The following STK33 variants were observed in gnomAD, a reference collection of about 807,000 sequenced individuals.
STK33 encodes the protein serine/threonine-protein kinase 33.
A neutral mutation model predicts 58.0 loss-of-function variants in STK33; 52 were observed. That is an observed-to-expected ratio of 0.90 (90% CI 0.72 to 1.13). STK33 has a LOEUF of 1.13. Among genes scored for constraint, STK33 ranks in the 50% most tolerant of loss-of-function variants. The pLI, the probability that STK33 is intolerant of heterozygous loss-of-function variation, is 0.00. For missense variants in STK33, 630 were observed against 604.2 expected (o/e 1.04, Z -0.45); for synonymous variants, 215 against 200.1 (o/e 1.07, Z -0.63).
intron 1 of STK33, among the ~76,000 whole-genome samples, chr11:8,566,787 T>C (rs542183976): frequency 4.6e-5 from 7 of 152,336 alleles, no homozygotes; most frequent in African/African-American, 1.4e-4. Flanking sequence ...AGTGATAGAC[T>C]GACCTCTAGT....
the STK33 span, among the ~76,000 whole-genome samples, chr11:8,372,394 G>A: frequency 6.6e-6 from 1 of 152,198 alleles, no homozygotes; most frequent in Admixed American, 6.5e-5. Context: ...GCCTGGAGAA[G>A]GGGTGGGTGG....
intron 10 of STK33, 38 bp from the exon 11 acceptor site, chr11:8,452,944 T>G: frequency 6.4e-7 from 1 of 1,553,822 alleles, no homozygotes; most frequent in Non-Finnish European, 8.9e-7. Context: ...CCTGTTTTCC[T>G]GTCCTAGAGC....
At chr11:8,398,118 A>C (rs1212955624) in intron 15 of STK33, among the ~76,000 whole-genome samples, 9 of 152,152 alleles carry the variant, frequency 5.9e-5, no homozygotes, top group African/African-American at 2.2e-4. Flanking sequence ...GAATGCCACA[A>C]AGATACTCCT....
At chr11:8,585,111 C>T (rs1349403668) in intron 1 of STK33, among the ~76,000 whole-genome samples, 2 of 151,292 alleles carry the variant, frequency 1.3e-5, no homozygotes, top group African/African-American at 4.9e-5. Flanking sequence ...TTATTAGGGA[C>T]GAGGTTTCAC....
At chr11:8,431,610 G>A (rs1943437607) in intron 14 of STK33, among the ~76,000 whole-genome samples, 1 of 151,996 alleles carries the variant, frequency 6.6e-6, no homozygotes, top group Non-Finnish European at 1.5e-5. Flanking sequence ...AGTACCTGAT[G>A]GATTAAATAA....
At chr11:8,372,628 G>T in the STK33 span, among the ~76,000 whole-genome samples, 1 of 152,380 alleles carries the variant, frequency 6.6e-6, no homozygotes, top group Admixed American at 6.5e-5. Flanking sequence ...CACCGCATAG[G>T]CGGGTTGAAG....
intron 11 of STK33, among the ~76,000 whole-genome samples, chr11:8,449,195 C>T (rs1945932358): frequency 6.6e-6 from 1 of 151,564 alleles, no homozygotes; most frequent in Non-Finnish European, 1.5e-5. Flanking sequence ...GGACTGTAAA[C>T]TAGTTCAACC....
the STK33 span, among the ~76,000 whole-genome samples, chr11:8,382,700 C>T: frequency 2.6e-5 from 4 of 152,170 alleles, no homozygotes; most frequent in East Asian, 1.9e-4. Context: ...TGTTTCCCAC[C>T]GCCACCCCAG....
chr11:8,482,557 C>T (rs183122017), intron 1 of STK33, among the ~76,000 whole-genome samples: 14 of 152,098 alleles, frequency 9.2e-5, no homozygotes, highest in African/African-American at 3.4e-4. Flanking sequence ...AAAAGTGATA[C>T]AAAAGATGGA....
At chr11:8,522,843 C>T (rs1343318824) in intron 1 of STK33, among the ~76,000 whole-genome samples, 1 of 152,196 alleles carries the variant, frequency 6.6e-6, no homozygotes, top group Admixed American at 6.5e-5. Context: ...TGATGCCCAG[C>T]CGAGGCTGGA....
chr11:8,571,271 A>G (rs1957789478), intron 1 of STK33, among the ~76,000 whole-genome samples: 1 of 152,148 alleles, frequency 6.6e-6, no homozygotes, highest in South Asian at 2.1e-4. Context: ...AGTTGGAAAA[A>G]CCTTGAAAAC....
At chr11:8,571,004 A>G (rs984363010) in intron 1 of STK33, among the ~76,000 whole-genome samples, 3 of 152,154 alleles carry the variant, frequency 2.0e-5, no homozygotes, top group African/African-American at 7.2e-5. Flanking sequence ...ACATGATACA[A>G]TGGTTTTTGG....
chr11:8,400,823 A>C (rs1242069074), intron 15 of STK33, among the ~76,000 whole-genome samples: 2 of 152,210 alleles, frequency 1.3e-5, no homozygotes, highest in African/African-American at 4.8e-5. Context: ...CTATACACCA[A>C]TAACAGACAA....
intron 1 of STK33, among the ~76,000 whole-genome samples, chr11:8,489,164 G>A (rs1436561086): frequency 6.6e-6 from 1 of 151,254 alleles, no homozygotes; most frequent in African/African-American, 2.4e-5. Context: ...GACTAAGGTG[G>A]GAGGATTACT....
the STK33 span, among the ~76,000 whole-genome samples, chr11:8,343,208 T>C: frequency 0.43 from 65,650 of 152,236 alleles, 15,754 homozygotes; most frequent in Non-Finnish European, 0.54. Flanking sequence ...AGCGCCTGTC[T>C]GGCCACTCTG....
At chr11:8,547,305 C>T (rs1956000385) in intron 1 of STK33, among the ~76,000 whole-genome samples, 1 of 152,208 alleles carries the variant, frequency 6.6e-6, no homozygotes, top group Non-Finnish European at 1.5e-5. Flanking sequence ...ACCTCCGCCT[C>T]CCGGGTTCAA....
At chr11:8,414,268 T>G (rs1286697829) in intron 14 of STK33, among the ~76,000 whole-genome samples, 2 of 152,190 alleles carry the variant, frequency 1.3e-5, no homozygotes, top group Non-Finnish European at 2.9e-5. Context: ...TCCCAGCATA[T>G]GACTATACCA....
chr11:8,430,866 A>ATTTT (rs11423343), intron 14 of STK33, among the ~76,000 whole-genome samples: 2 of 133,830 alleles, frequency 1.5e-5, no homozygotes, highest in African/African-American at 2.8e-5. Flanking sequence ...CCTTAACATA[A>ATTTT]TTTTTTTTTT....
chr11:8,363,479 A>G, the STK33 span, among the ~76,000 whole-genome samples: 3 of 150,758 alleles, frequency 2.0e-5, no homozygotes, highest in Admixed American at 6.6e-5. Flanking sequence ...CCAGGTAACC[A>G]CTCTTCTGGC....
Sources: allele counts gnomAD v4.1 joint callset (sites outside exome capture counted in the v4.1 genomes callset), GRCh38; gene constraint gnomAD v4.1.1; transcripts MANE v1.5; gene names NCBI Gene and HGNC (gene_info 2026-07-23, HGNC 2026-07-21).